ARHGAP24: variants seen among roughly 807,000 people sequenced by gnomAD.
ARHGAP24 encodes Rho GTPase activating protein 24, also known as rho GTPase-activating protein 24.
Under a neutral mutation model 76.4 loss-of-function variants are expected in ARHGAP24, and 50 were observed. The ratio of observed to expected loss-of-function variants is 0.65; its 90% confidence interval spans 0.52 to 0.83. The LOEUF is 0.83. Ranked by LOEUF, ARHGAP24 falls within the 40% of genes least tolerant of loss-of-function variation. The pLI is 0.00. For synonymous variants in ARHGAP24, 345 were observed against 323.3 expected (o/e 1.07, Z -0.72); for missense variants, 930 against 914.2 (o/e 1.02, Z -0.22).
At chr4:85,663,663 G>C (rs1264833554) in intron 2 of ARHGAP24, among the ~76,000 whole-genome samples, 1 of 151,266 alleles carries the variant, frequency 6.6e-6, no homozygotes, top group Non-Finnish European at 1.5e-5. Context: ...GTTTGTCATA[G>C]ATAGCTCTTA....
chr4:85,982,151 A>G (rs1739703735), intron 8 of ARHGAP24, among the ~76,000 whole-genome samples: 1 of 151,664 alleles, frequency 6.6e-6, no homozygotes, highest in Non-Finnish European at 1.5e-5. Context: ...AGGAGATCCA[A>G]TACTGTGCTG....
At chr4:85,844,953 G>C (rs1730796227) in intron 3 of ARHGAP24, among the ~76,000 whole-genome samples, 1 of 152,164 alleles carries the variant, frequency 6.6e-6, no homozygotes, top group Admixed American at 6.5e-5. Context: ...AAAATGTCAT[G>C]GTGCATGGCA....
chr4:85,517,368 T>C (rs901190464), intron 1 of ARHGAP24, among the ~76,000 whole-genome samples: 10 of 149,650 alleles, frequency 6.7e-5, no homozygotes, highest in Admixed American at 2.7e-4. Flanking sequence ...TTGTGGACAT[T>C]TTTATGACTC....
chr4:85,754,801 C>T (rs558505570), intron 3 of ARHGAP24, among the ~76,000 whole-genome samples: 1 of 152,308 alleles, frequency 6.6e-6, no homozygotes, highest in South Asian at 2.1e-4. Context: ...ATCAGAAGAA[C>T]TGAATTTAGT....
intron 3 of ARHGAP24, among the ~76,000 whole-genome samples, chr4:85,895,398 A>AT (rs2148784636): frequency 6.6e-6 from 1 of 152,258 alleles, no homozygotes; most frequent in Non-Finnish European, 1.5e-5. Flanking sequence ...CATTAAAGTC[A>AT]TTTATCCCAA....
At chr4:85,877,724 T>C (rs2148765129) in intron 3 of ARHGAP24, among the ~76,000 whole-genome samples, 1 of 148,326 alleles carries the variant, frequency 6.7e-6, no homozygotes, top group East Asian at 2.0e-4. Flanking sequence ...AAGTTTTGTG[T>C]TTAATAAAGA....
intron 2 of ARHGAP24, among the ~76,000 whole-genome samples, chr4:85,669,864 C>T (rs1722765702): frequency 6.6e-6 from 1 of 151,452 alleles, no homozygotes; most frequent in African/African-American, 2.4e-5. Flanking sequence ...GTATTTGCAG[C>T]AATTCAGAAA....
At chr4:85,520,371 G>T (rs1202884394) in intron 1 of ARHGAP24, among the ~76,000 whole-genome samples, 1 of 152,002 alleles carries the variant, frequency 6.6e-6, no homozygotes, top group Non-Finnish European at 1.5e-5. Flanking sequence ...CAAAACTGAG[G>T]TATATTGTCT....
At chr4:85,713,897 G>A (rs758322231) in intron 2 of ARHGAP24, among the ~76,000 whole-genome samples, 1 of 152,134 alleles carries the variant, frequency 6.6e-6, no homozygotes, top group Non-Finnish European at 1.5e-5. Context: ...CCAGACAAAT[G>A]TTGAATGCCT....
intron 1 of ARHGAP24, among the ~76,000 whole-genome samples, chr4:85,482,379 A>G (rs186285306): frequency 6.6e-6 from 1 of 152,194 alleles, no homozygotes; most frequent in African/African-American, 2.4e-5. Flanking sequence ...TCATCGTGGG[A>G]TAACTTTTCA....
intron 3 of ARHGAP24, among the ~76,000 whole-genome samples, chr4:85,872,367 G>T (rs528893982): frequency 6.6e-6 from 1 of 151,698 alleles, no homozygotes; most frequent in Non-Finnish European, 1.5e-5. Flanking sequence ...CATGATCTTG[G>T]CTCACTGCAA....
intron 3 of ARHGAP24, among the ~76,000 whole-genome samples, chr4:85,885,345 T>C (rs995605218): frequency 6.6e-6 from 1 of 152,110 alleles, no homozygotes; most frequent in Non-Finnish European, 1.5e-5. Flanking sequence ...GGTTTTAAAA[T>C]ATATGTTTTT....
chr4:85,712,242 G>T (rs1236754017), intron 2 of ARHGAP24, among the ~76,000 whole-genome samples: 3 of 152,122 alleles, frequency 2.0e-5, no homozygotes, highest in Non-Finnish European at 2.9e-5. Flanking sequence ...AGAGAAGAGG[G>T]TGGGGTCAGA....
intron 3 of ARHGAP24, among the ~76,000 whole-genome samples, chr4:85,914,875 T>C (rs1735285559): frequency 1.3e-5 from 2 of 152,198 alleles, no homozygotes; most frequent in South Asian, 4.1e-4. Context: ...TGTATCAGCA[T>C]TGGTGGAGGA....
At chr4:85,528,881 G>C (rs1171074939) in intron 1 of ARHGAP24, among the ~76,000 whole-genome samples, 1 of 152,008 alleles carries the variant, frequency 6.6e-6, no homozygotes, top group Non-Finnish European at 1.5e-5. Context: ...AAAGATAGAG[G>C]TCAGTGTTGG....
At chr4:85,639,048 C>T (rs1721425295) in intron 2 of ARHGAP24, among the ~76,000 whole-genome samples, 1 of 152,092 alleles carries the variant, frequency 6.6e-6, no homozygotes, top group African/African-American at 2.4e-5. Flanking sequence ...TAATATTTAT[C>T]TAAAGAAATG....
chr4:85,475,619 G>A (rs1343783328), intron 1 of ARHGAP24, 60 bp downstream of exon 1: 3 of 144,386 alleles, frequency 2.1e-5, no homozygotes, highest in African/African-American at 5.1e-5. Flanking sequence ...GGACGCGGCT[G>A]CCTGCGCCAG....
At chr4:85,794,683 A>G (rs539132420) in intron 3 of ARHGAP24, among the ~76,000 whole-genome samples, 2 of 152,290 alleles carry the variant, frequency 1.3e-5, no homozygotes, top group African/African-American at 4.8e-5. Flanking sequence ...GGGTTTCGCC[A>G]TGTTGGCCAG....
At chr4:85,865,720 TTATTA>T (rs1420779746) in intron 3 of ARHGAP24, among the ~76,000 whole-genome samples, 2 of 151,624 alleles carry the variant, frequency 1.3e-5, no homozygotes, top group Non-Finnish European at 2.9e-5. Flanking sequence ...ATAAGAAGAA[TTATTA>T]ATTTCAATTA....
Sources: gnomAD v4.1 joint callset for allele counts (sites outside exome capture counted in the v4.1 genomes callset) on GRCh38, gnomAD v4.1.1 for gene constraint, MANE v1.5 for transcripts, NCBI Gene and HGNC (gene_info 2026-07-23, HGNC 2026-07-21) for gene names.